PRKCE: variants seen among roughly 807,000 people sequenced by gnomAD.
PRKCE encodes protein kinase C epsilon, also known as protein kinase C epsilon type.
Under a neutral mutation model 85.4 loss-of-function variants are expected in PRKCE, and 16 were observed. That is an observed-to-expected ratio of 0.19 (90% CI 0.13 to 0.28). The LOEUF (loss-of-function observed/expected upper bound fraction) is 0.28. PRKCE is among the 10% of genes least tolerant of loss of function. The pLI is 1.00. For synonymous variants in PRKCE, 388 were observed against 371.5 expected (o/e 1.04, Z -0.51); for missense variants, 573 against 975.2 (o/e 0.59, Z 5.49).
chr2:46,113,485 T>A (rs560192714), intron 11 of PRKCE, among the ~76,000 whole-genome samples: 2 of 152,224 alleles, frequency 1.3e-5, no homozygotes, highest in Non-Finnish European at 2.9e-5. Context: ...TGTCCTCATA[T>A]CTCTTCCTCT....
At chr2:46,091,393 G>A (rs1427678751) in intron 11 of PRKCE, among the ~76,000 whole-genome samples, 4 of 152,202 alleles carry the variant, frequency 2.6e-5, no homozygotes, top group Non-Finnish European at 2.9e-5. Flanking sequence ...AGCAGCAGCT[G>A]ACTTTCAGAG....
intron 10 of PRKCE, among the ~76,000 whole-genome samples, chr2:46,066,616 T>C (rs139993942): frequency 4.6e-5 from 7 of 152,388 alleles, no homozygotes; most frequent in Non-Finnish European, 7.3e-5. Context: ...TTTGTCTGTA[T>C]ATCTCGTAAA....
chr2:45,705,203 T>C (rs975582433), intron 1 of PRKCE, among the ~76,000 whole-genome samples: 4 of 152,248 alleles, frequency 2.6e-5, no homozygotes, highest in Non-Finnish European at 5.9e-5. Context: ...CCCAGTTCTG[T>C]GGAGCTCGGT....
In PRKCE at chr2:46,007,603, G is replaced by A. The variant is rs773673004; in HGVS notation, c.1205G>A (p.Arg402His). The change falls in exon 9 of 15, where the codon CGC (arginine) becomes CAC (histidine). Residue 402 changes from arginine (R) to histidine (H), a missense_variant. By Grantham distance (29) the Arg-to-His change is conservative (BLOSUM62 0). Transcript: ENST00000306156. ...GAAGTCCGGCAAGGCCAGGCCAAGC[G>A]CCTGGGCCTGGATGAGTTCAACTTC... is the stretch of plus-strand genomic sequence containing the variant. ...NGEVRQGQAK[R>H]LGLDEFNFIK... 8 of 1,599,776 alleles carry A rather than the reference G, an allele frequency of 5.0e-6. No individual in the cohort carries two copies. Among genetic ancestry groups the A allele is most frequent in the East Asian group, 4.5e-5 (2 of 44,878 alleles).
intron 1 of PRKCE, among the ~76,000 whole-genome samples, chr2:45,824,434 G>A (rs1045271790): frequency 1.3e-5 from 2 of 152,146 alleles, no homozygotes; most frequent in African/African-American, 2.4e-5. Context: ...TCTCTTAAGC[G>A]GGGCGTGTTG....
chr2:46,153,275 T>A (rs769105182), intron 13 of PRKCE, among the ~76,000 whole-genome samples: 1 of 152,216 alleles, frequency 6.6e-6, no homozygotes, highest in Non-Finnish European at 1.5e-5. Context: ...ATGCATTCAT[T>A]TATTAAACAA....
intron 11 of PRKCE, among the ~76,000 whole-genome samples, chr2:46,097,719 A>C (rs1480985336): frequency 2.0e-5 from 3 of 152,174 alleles, no homozygotes; most frequent in Non-Finnish European, 4.4e-5. Flanking sequence ...TGTCATATAG[A>C]TGAAGAGCTT....
At chr2:45,818,642 G>C (rs2105318575) in intron 1 of PRKCE, among the ~76,000 whole-genome samples, 1 of 152,324 alleles carries the variant, frequency 6.6e-6, no homozygotes, top group South Asian at 2.1e-4. Flanking sequence ...CCTTTGAGCT[G>C]GCAGTTTGAA....
chr2:45,727,810 A>C (rs1681212143), intron 1 of PRKCE, among the ~76,000 whole-genome samples: 2 of 152,064 alleles, frequency 1.3e-5, no homozygotes, highest in African/African-American at 2.4e-5. Flanking sequence ...GCCCGCCACC[A>C]CACCCAGCTA....
At chr2:46,011,015 G>C (rs780881867) in intron 10 of PRKCE, 8 of 1,222,296 alleles carry the variant, frequency 6.5e-6, no homozygotes, top group Non-Finnish European at 8.4e-6. Flanking sequence ...TTAATTTACC[G>C]CATAGGTGTC....
At chr2:45,994,046 G>A (rs1198385284) in intron 6 of PRKCE, among the ~76,000 whole-genome samples, 2 of 152,104 alleles carry the variant, frequency 1.3e-5, no homozygotes, top group Non-Finnish European at 2.9e-5. Flanking sequence ...ACCAGGTTAT[G>A]TAGAGCATTA....
chr2:46,010,310 G>C, intron 9 of PRKCE, 34 bp from the exon 10 acceptor site: 1 of 1,566,846 alleles, frequency 6.4e-7, no homozygotes, highest in Non-Finnish European at 8.6e-7. Context: ...TTCCATACAT[G>C]CATAGATTGA....
At chr2:45,740,833 T>C (rs545217178) in intron 1 of PRKCE, among the ~76,000 whole-genome samples, 1 of 152,344 alleles carries the variant, frequency 6.6e-6, no homozygotes, top group East Asian at 1.9e-4. Flanking sequence ...AAGTGCAGTA[T>C]TACAAGGAGA....
intron 1 of PRKCE, among the ~76,000 whole-genome samples, chr2:45,754,690 C>T (rs1479564747): frequency 6.6e-6 from 1 of 152,188 alleles, no homozygotes; most frequent in Non-Finnish European, 1.5e-5. Flanking sequence ...GAACATGTTA[C>T]AGGCTTCTAA....
chr2:46,105,846 G>T (rs376223122), intron 11 of PRKCE, among the ~76,000 whole-genome samples: 124 of 152,302 alleles, frequency 8.1e-4, no homozygotes, highest in African/African-American at 2.9e-3. Context: ...AATTTATGCA[G>T]TTATGACTAC....
intron 11 of PRKCE, among the ~76,000 whole-genome samples, chr2:46,102,782 A>T (rs1671361416): frequency 6.6e-6 from 1 of 152,228 alleles, no homozygotes; most frequent in South Asian, 2.1e-4. Flanking sequence ...TGGATTAGAC[A>T]GGAATACCTC....
intron 11 of PRKCE, among the ~76,000 whole-genome samples, chr2:46,093,684 T>C (rs1333429011): frequency 6.6e-6 from 1 of 152,022 alleles, no homozygotes; most frequent in Non-Finnish European, 1.5e-5. Context: ...GCATGAACCA[T>C]GGCACCTAGC....
At chr2:45,923,088 A>G (rs1287893035) in intron 2 of PRKCE, among the ~76,000 whole-genome samples, 1 of 152,210 alleles carries the variant, frequency 6.6e-6, no homozygotes, top group Non-Finnish European at 1.5e-5. Context: ...AGAGGACAGG[A>G]AGACAGCACT....
At chr2:45,820,903 C>T (rs748561658) in intron 1 of PRKCE, among the ~76,000 whole-genome samples, 9 of 152,122 alleles carry the variant, frequency 5.9e-5, no homozygotes, top group Non-Finnish European at 1.2e-4. Context: ...TCCCACCCCC[C>T]AGCATGGCAA....
Sources: gnomAD v4.1 joint callset for allele counts (sites outside exome capture counted in the v4.1 genomes callset) on GRCh38, gnomAD v4.1.1 for gene constraint, MANE v1.5 for transcripts, NCBI Gene and HGNC (gene_info 2026-07-23, HGNC 2026-07-21) for gene names.